The following JMJD1C variants were observed in gnomAD, a reference collection of about 807,000 sequenced individuals.
JMJD1C encodes jumonji domain containing 1C, also known as jumonji domain-containing protein 1C.
JMJD1C carries 31 observed loss-of-function variants against 245.3 expected under a neutral mutation model. The ratio of observed to expected loss-of-function variants is 0.13; its 90% CI spans 0.09 to 0.17. The LOEUF (loss-of-function observed/expected upper bound fraction) is 0.17, where lower values mean the gene tolerates loss of function less well. Ranked by LOEUF, JMJD1C falls within the 10% of genes least tolerant of loss-of-function variation. The probability of loss-of-function intolerance (pLI) is 1.00; values close to 1 mark genes in which losing one functional copy is unlikely to be tolerated. For missense variants in JMJD1C, 2,691 were observed against 3,000.2 expected, an observed-to-expected ratio of 0.90 and a Z score of 2.41; for synonymous variants, 1,057 against 1,017.4, an observed-to-expected ratio of 1.04 and a Z score of -0.74.
At chr10:63,398,342 C>A (rs1948634672) in intron 1 of JMJD1C, among the ~76,000 whole-genome samples, 1 of 152,062 alleles carries the variant, frequency 6.6e-6, no homozygotes, top group South Asian at 2.1e-4. Context: ...AAAGTCATTT[C>A]TCCCATACAG....
intron 10 of JMJD1C, among the ~76,000 whole-genome samples, chr10:63,202,047 G>A (rs370450348): frequency 6.6e-6 from 1 of 151,916 alleles, no homozygotes; most frequent in Admixed American, 6.6e-5. Context: ...TTGAGGCCAG[G>A]AGTTCAAGAC....
At chr10:63,480,898 G>A (rs1193165647) in intron 1 of JMJD1C, among the ~76,000 whole-genome samples, 2 of 152,088 alleles carry the variant, frequency 1.3e-5, no homozygotes, top group Non-Finnish European at 2.9e-5. Context: ...TAACTTTCTG[G>A]AGAAGAAATG....
intron 2 of JMJD1C, among the ~76,000 whole-genome samples, chr10:63,281,350 G>A (rs537640309): frequency 1.4e-5 from 2 of 145,200 alleles, no homozygotes; most frequent in East Asian, 4.4e-4. Flanking sequence ...TAGTAGAGAT[G>A]GGGTTTCACC....
chr10:63,305,629 CGTGTGTGTGT>C (rs36038855), intron 2 of JMJD1C, among the ~76,000 whole-genome samples: 3,234 of 121,734 alleles, frequency 0.027, 82 homozygotes, highest in African/African-American at 0.062. Flanking sequence ...ACCATGCTGG[CGTGTGTGTGT>C]GTGTGTGTGT....
chr10:63,188,228 G>C (rs1564571246), intron 18 of JMJD1C, among the ~76,000 whole-genome samples: 1 of 152,092 alleles, frequency 6.6e-6, no homozygotes, highest in Non-Finnish European at 1.5e-5. Flanking sequence ...TACCTCAAAA[G>C]CTCACACAAA....
chr10:63,383,631 T>A (rs146613756), intron 1 of JMJD1C, among the ~76,000 whole-genome samples: 1 of 151,932 alleles, frequency 6.6e-6, no homozygotes, highest in South Asian at 2.1e-4. Context: ...GCCAGGGAGG[T>A]TGAGGCTGCA....
rs1589832182 is a variant in JMJD1C, at chr10:63,500,627, G to T, written n.113+21111C>A. On this transcript the variant is annotated intron_variant and non_coding_transcript_variant, in intron 1 of 3. Transcript: ENST00000633035. ...CACGCCTGTAATCCCAGCTACTTGAGAGGCAGAGGCAGGAGAATCGCTTGG... is the reference window on the plus strand; with the variant it reads ...CACGCCTGTAATCCCAGCTACTTGATAGGCAGAGGCAGGAGAATCGCTTGG... Among the ~76,000 whole-genome samples, 4 of 152,240 alleles carry T rather than the reference G, an allele frequency of 2.6e-5. No individual in the cohort carries two copies. In the South Asian group the frequency reaches 8.3e-4, roughly 32 times the overall value.
chr10:63,371,048 G>A (rs1946273553), intron 2 of JMJD1C, among the ~76,000 whole-genome samples: 1 of 152,014 alleles, frequency 6.6e-6, no homozygotes, highest in African/African-American at 2.4e-5. Context: ...CATAATCATA[G>A]CTCACCATAG....
At chr10:63,261,986 T>C (rs980922103) in intron 3 of JMJD1C, among the ~76,000 whole-genome samples, 1 of 152,154 alleles carries the variant, frequency 6.6e-6, no homozygotes, top group Admixed American at 6.5e-5. Context: ...AAGAGAATTT[T>C]CCCCCACCTA....
chr10:63,305,740 G>T (rs141859248), intron 2 of JMJD1C, among the ~76,000 whole-genome samples: 163 of 149,934 alleles, frequency 1.1e-3, no homozygotes, highest in Non-Finnish European at 1.9e-3. Context: ...GTATTGTAAC[G>T]TAAGTAATTT....
At chr10:63,181,666 AAATATGCTAGG>A (rs1843495476) in intron 22 of JMJD1C, among the ~76,000 whole-genome samples, 1 of 152,232 alleles carries the variant, frequency 6.6e-6, no homozygotes, top group Non-Finnish European at 1.5e-5. Context: ...TTCTCGAAAG[AAATATGCTAGG>A]AACAGAAGCT....
At position 63,206,732 on chromosome 10, in the gene JMJD1C, G is replaced by A; in HGVS notation, c.4937C>T (p.Pro1646Leu). The part of the protein sequence containing the change: ...SKSEQRTKRQ[P>L]KPTYKKKQND... ...TTGCTTCTTTTTGTAAGTTGGCTTA[G>A]GTTGTCTTTTAGTCCTTTGCTCTGA... Residue 1646 changes from proline to leucine, a missense_variant, in exon 10 of 26, where the codon CCT becomes CTT. By Grantham distance (98) the Pro-to-Leu change is moderately conservative. This residue lies in a region of JMJD1C where 144 missense variants were observed against 143.3 expected (regional missense o/e 1.00). Coordinates refer to ENST00000399262, the MANE Select transcript of JMJD1C (RefSeq NM_032776.3). The A allele has an allele frequency of 6.2e-7, 1 of 1,613,774 alleles. No homozygotes were observed. The highest frequency in any genetic ancestry group is 8.5e-7 in the Non-Finnish European group (1 of 1,179,914).
chr10:63,225,373 C>G (rs1378190615), intron 3 of JMJD1C, among the ~76,000 whole-genome samples: 7 of 152,152 alleles, frequency 4.6e-5, no homozygotes, highest in Non-Finnish European at 8.8e-5. Context: ...CAAAAAACAT[C>G]TTAAATGAGG....
intron 1 of JMJD1C, among the ~76,000 whole-genome samples, chr10:63,511,582 C>T (rs934832615): frequency 7.2e-5 from 11 of 152,102 alleles, no homozygotes; most frequent in Non-Finnish European, 1.3e-4. Context: ...CAGTGGCAGG[C>T]GCCTGTAATC....
At chr10:63,240,049 C>T (rs7083408) in intron 3 of JMJD1C, among the ~76,000 whole-genome samples, 3 of 152,072 alleles carry the variant, frequency 2.0e-5, no homozygotes, top group Non-Finnish European at 4.4e-5. Flanking sequence ...TATTATCTAC[C>T]TGGCCTCTCC....
At chr10:63,309,396 A>C (rs1398135973) in intron 2 of JMJD1C, among the ~76,000 whole-genome samples, 2 of 142,098 alleles carry the variant, frequency 1.4e-5, no homozygotes, top group Admixed American at 1.5e-4. Flanking sequence ...CAGGAGGCTG[A>C]GGCAGGGGAA....
intron 1 of JMJD1C, among the ~76,000 whole-genome samples, chr10:63,448,881 C>A (rs778834379): frequency 1.3e-5 from 2 of 152,150 alleles, no homozygotes; most frequent in Non-Finnish European, 2.9e-5. Flanking sequence ...ACTTTGGAGG[C>A]AGAGGTGGGC....
chr10:63,197,373 T>C, intron 13 of JMJD1C, 38 bp downstream of exon 13: 1 of 1,547,608 alleles, frequency 6.5e-7, no homozygotes, highest in Non-Finnish European at 8.8e-7. Flanking sequence ...AAAGAAAAAT[T>C]ATAAAAAACT....
chr10:63,228,918 T>C (rs1849634828), intron 3 of JMJD1C, among the ~76,000 whole-genome samples: 1 of 152,168 alleles, frequency 6.6e-6, no homozygotes, highest in Non-Finnish European at 1.5e-5. Context: ...ATGTACATAA[T>C]TTAGGAAAAA....
Sources: allele counts gnomAD v4.1 joint callset (sites outside exome capture counted in the v4.1 genomes callset), GRCh38; gene constraint gnomAD v4.1.1; regional missense constraint gnomAD v4.1.1; transcripts MANE v1.5; gene names NCBI Gene and HGNC (gene_info 2026-07-23, HGNC 2026-07-21).